The following TBC1D22A variants were observed in gnomAD, a reference collection of about 807,000 sequenced individuals.
TBC1D22A encodes TBC1 domain family member 22A.
TBC1D22A carries 38 observed loss-of-function variants against 60.2 expected under a neutral mutation model. The ratio of observed to expected loss-of-function variants is 0.63; its 90% CI spans 0.49 to 0.83. The LOEUF (loss-of-function observed/expected upper bound fraction) is 0.83, where lower values mean the gene tolerates loss of function less well. Among genes scored for constraint, TBC1D22A ranks in the 40% least tolerant of loss-of-function variants. The pLI is 0.00. For synonymous variants in TBC1D22A, 302 were observed against 281.7 expected, an observed-to-expected ratio of 1.07 and a Z score of -0.72; for missense variants, 628 against 701.0, an observed-to-expected ratio of 0.90 and a Z score of 1.18.
intron 4 of TBC1D22A, among the ~76,000 whole-genome samples, chr22:46,829,997 C>T (rs2086240871): frequency 6.6e-6 from 1 of 152,198 alleles, no homozygotes; most frequent in Admixed American, 6.5e-5. Context: ...GCTTTGTTCC[C>T]AAGGCGCTGT....
At chr22:46,854,221 G>A (rs6008992) in intron 4 of TBC1D22A, among the ~76,000 whole-genome samples, 62,634 of 151,782 alleles carry the variant, frequency 0.41, 12,970 homozygotes, top group Non-Finnish European at 0.43. Context: ...CGTGTGATAG[G>A]AAAATCATGG....
chr22:47,051,519 A>G (rs1402353173), intron 11 of TBC1D22A, among the ~76,000 whole-genome samples: 1 of 152,116 alleles, frequency 6.6e-6, no homozygotes, highest in Non-Finnish European at 1.5e-5. Context: ...GCCGGGAGCT[A>G]GAACATTCTT....
At chr22:46,962,385 G>A (rs781037600) in intron 8 of TBC1D22A, among the ~76,000 whole-genome samples, 9 of 152,220 alleles carry the variant, frequency 5.9e-5, no homozygotes, top group Non-Finnish European at 1.0e-4. Flanking sequence ...TTGGTGAGGT[G>A]GATGATCTTA....
At chr22:47,051,781 C>T (rs980831014) in intron 11 of TBC1D22A, among the ~76,000 whole-genome samples, 1 of 152,230 alleles carries the variant, frequency 6.6e-6, no homozygotes, top group Non-Finnish European at 1.5e-5. Context: ...TCTCGCGCTC[C>T]TCTGCTCCCG....
At chr22:46,957,107 G>A (rs1347872742) in intron 8 of TBC1D22A, among the ~76,000 whole-genome samples, 2 of 152,184 alleles carry the variant, frequency 1.3e-5, no homozygotes, top group African/African-American at 2.4e-5. Context: ...AGAGGGACGC[G>A]GTCTCCACCT....
intron 4 of TBC1D22A, among the ~76,000 whole-genome samples, chr22:46,815,874 G>T (rs1428269576): frequency 2.0e-5 from 3 of 152,168 alleles, no homozygotes; most frequent in African/African-American, 7.2e-5. Flanking sequence ...CCTGCGTGGA[G>T]GGGAGGCCTG....
At chr22:47,125,038 C>T (rs1361319732) in intron 12 of TBC1D22A, among the ~76,000 whole-genome samples, 1 of 152,038 alleles carries the variant, frequency 6.6e-6, no homozygotes, top group Non-Finnish European at 1.5e-5. Flanking sequence ...AGCCTTCATG[C>T]TGAGGGTGAG....
At chr22:46,892,532 A>G (rs578212071) in intron 6 of TBC1D22A, among the ~76,000 whole-genome samples, 19 of 152,220 alleles carry the variant, frequency 1.2e-4, no homozygotes, top group African/African-American at 4.3e-4. Flanking sequence ...CCTGGACCGC[A>G]CTGGACCGCC....
At chr22:46,864,558 G>T (rs1046517342) in intron 4 of TBC1D22A, among the ~76,000 whole-genome samples, 2 of 152,244 alleles carry the variant, frequency 1.3e-5, no homozygotes, top group African/African-American at 4.8e-5. Context: ...AAACAGATTG[G>T]TGAGGAGCAC....
At chr22:46,794,260 T>G (rs1428412143) in intron 3 of TBC1D22A, among the ~76,000 whole-genome samples, 1 of 152,212 alleles carries the variant, frequency 6.6e-6, no homozygotes, top group Admixed American at 6.5e-5. Flanking sequence ...GTCAGGCCTC[T>G]GCATGTTTAG....
intron 8 of TBC1D22A, chr22:46,915,200 C>T (rs1456944736): frequency 8.5e-6 from 3 of 353,072 alleles, no homozygotes; most frequent in South Asian, 2.2e-5. Flanking sequence ...CTGGCAGCTG[C>T]GTGGATGAGA....
At chr22:47,130,183 A>G (rs1396353944) in intron 12 of TBC1D22A, among the ~76,000 whole-genome samples, 3 of 151,888 alleles carry the variant, frequency 2.0e-5, no homozygotes, top group Non-Finnish European at 4.4e-5. Context: ...GAGTCTGTGA[A>G]CCACCCACTC....
At chr22:46,780,359 C>T (rs938135326) in intron 1 of TBC1D22A, among the ~76,000 whole-genome samples, 1 of 152,080 alleles carries the variant, frequency 6.6e-6, no homozygotes, top group African/African-American at 2.4e-5. Context: ...GGATTTATTG[C>T]TTTTCCATAC....
At chr22:47,138,771 C>T (rs113127200) in intron 12 of TBC1D22A, among the ~76,000 whole-genome samples, 5,895 of 152,274 alleles carry the variant, frequency 0.039, 179 homozygotes, top group Non-Finnish European at 0.059. Flanking sequence ...CCGGCAGACC[C>T]GGCATCTGGT....
At chr22:46,876,783 GC>G (rs1157428290) in intron 4 of TBC1D22A, among the ~76,000 whole-genome samples, 7 of 152,242 alleles carry the variant, frequency 4.6e-5, no homozygotes, top group Non-Finnish European at 5.9e-5. Flanking sequence ...GGGTTCAGCT[GC>G]CTCTGGGCTG....
intron 11 of TBC1D22A, among the ~76,000 whole-genome samples, chr22:47,048,370 G>A (rs904889309): frequency 2.6e-5 from 4 of 152,148 alleles, no homozygotes; most frequent in South Asian, 2.1e-4. Context: ...TGGAGGACGC[G>A]TCACCTTCCA....
intron 4 of TBC1D22A, among the ~76,000 whole-genome samples, chr22:46,821,435 G>T (rs965254352): frequency 6.6e-6 from 1 of 152,126 alleles, no homozygotes; most frequent in Admixed American, 6.5e-5. Context: ...GAGCTCTGCA[G>T]TTTATCTGGT....
chr22:46,980,614 C>T (rs2074477050), intron 9 of TBC1D22A, among the ~76,000 whole-genome samples: 1 of 152,042 alleles, frequency 6.6e-6, no homozygotes, highest in Non-Finnish European at 1.5e-5. Context: ...GAGAAAATTA[C>T]CAACTGGGCA....
At chr22:46,778,905 G>A (rs867538289) in intron 1 of TBC1D22A, among the ~76,000 whole-genome samples, 4 of 152,078 alleles carry the variant, frequency 2.6e-5, no homozygotes, top group Non-Finnish European at 5.9e-5. Context: ...TTAGCCGGGC[G>A]TGGTGGTGGG....
Sources: gnomAD v4.1 joint callset for allele counts (sites outside exome capture counted in the v4.1 genomes callset) on GRCh38, gnomAD v4.1.1 for gene constraint, MANE v1.5 for transcripts, NCBI Gene and HGNC (gene_info 2026-07-23, HGNC 2026-07-21) for gene names.